The following TKFC variants were observed in gnomAD, a reference collection of about 807,000 sequenced individuals.
TKFC encodes triokinase/FMN cyclase.
Under a neutral mutation model 61.0 loss-of-function variants are expected in TKFC, and 46 were observed. The observed-to-expected ratio is 0.75, with a 90% CI of 0.60 to 0.96. The LOEUF (loss-of-function observed/expected upper bound fraction) is 0.96, where lower values mean the gene tolerates loss of function less well. Among genes scored for constraint, TKFC ranks in the 50% least tolerant of loss-of-function variants. The pLI, the probability that TKFC is intolerant of heterozygous loss-of-function variation, is 0.00. For synonymous variants in TKFC, 314 were observed against 330.1 expected (o/e 0.95, Z 0.53); for missense variants, 715 against 777.5 (o/e 0.92, Z 0.96).
Position 61,343,754 on chromosome 11 carries a change from G to T in TKFC, c.983-102G>T, listed in dbSNP as rs934537991. 51 of 1,508,026 alleles carry T rather than the reference G, an allele frequency of 3.4e-5. No individual in the cohort carries two copies. The African/African-American group carries it at 6.6e-4, about 20-fold the overall frequency. 93.4% of individuals were successfully genotyped at this position (1,508,026 alleles called of 1,614,324 possible). The stretch of plus-strand genomic sequence containing the variant: ...AGGTGGACTCCCTTCCTCCAGGGCT[G>T]CTGAGAAAGCCAGGCCACCAGGGTC... On this transcript the variant is annotated intron_variant, in intron 11 of 17. Coordinates refer to ENST00000394900, the MANE Select transcript of TKFC (RefSeq NM_015533.4).
chr11:61,343,604 T>A, intron 11 of TKFC, 146 bp downstream of exon 11: 1 of 884,358 alleles, frequency 1.1e-6, no homozygotes, highest in Non-Finnish European at 1.7e-6. Context: ...TTCTCCAGCC[T>A]TCTCCAGCTC....
At chr11:61,335,479 T>A (rs1013927567) in intron 2 of TKFC, 2 of 152,462 alleles carry the variant, frequency 1.3e-5, no homozygotes, top group African/African-American at 4.8e-5. Context: ...GCCACTTTCT[T>A]GGAGGGTAGT....
chr11:61,343,747 C>A, intron 11 of TKFC, 109 bp from the exon 12 acceptor site: 1 of 1,484,150 alleles, frequency 6.7e-7, no homozygotes, highest in Non-Finnish European at 9.1e-7. Context: ...TCCCTTCCTC[C>A]AGGGCTGCTG....
intron 2 of TKFC, chr11:61,335,926 CTGGAATTACAGGCA>C (rs1565045507): frequency 6.6e-6 from 1 of 152,290 alleles, no homozygotes; most frequent in Admixed American, 6.5e-5. Flanking sequence ...TCCCGAGTAG[CTGGAATTACAGGCA>C]TGTGCCACCA....
At position 61,342,718 on chromosome 11, in the gene TKFC, C is replaced by G. The variant is rs752534820; in HGVS notation, c.776-37C>G. 7.4e-6 allele frequency: 12 copies of G among 1,613,852 alleles called. No homozygotes were observed. The South Asian group carries it at 1.3e-4, about 18-fold the overall frequency. On this transcript the variant is annotated intron_variant, in intron 9 of 17. Coordinates refer to ENST00000394900, the MANE Select transcript of TKFC (RefSeq NM_015533.4). The stretch of plus-strand genomic sequence containing the variant: ...CCTAAACCTCTGGGGAGGAGACGCC[C>G]AGAGGGTCTCACCTGGGGTGTCATG...
At chr11:61,341,570 G>A in intron 6 of TKFC, 56 bp downstream of exon 6, 3 of 1,537,644 alleles carry the variant, frequency 2.0e-6, no homozygotes. Context: ...ACAGCCCTGG[G>A]GCGAGGAGCA....
chr11:61,341,433 C>T lies in TKFC; in HGVS notation c.487-3C>T. 1 of 1,552,942 alleles carries T rather than the reference C, an allele frequency of 6.4e-7. No homozygotes were observed. The highest frequency in any genetic ancestry group is 8.7e-7 in the Non-Finnish European group (1 of 1,147,608). Reference sequence around the variant, plus strand: ...TGGGGCTTTTACCTCTTTGTGGCTGCAGGTGGCAGGTGCTCTGGCTGAGGC... The same window carrying T: ...TGGGGCTTTTACCTCTTTGTGGCTGTAGGTGGCAGGTGCTCTGGCTGAGGC... On this transcript the variant is annotated splice_region_variant and splice_polypyrimidine_tract_variant and intron_variant, in intron 5 of 17. Coordinates refer to ENST00000394900, the MANE Select transcript of TKFC (RefSeq NM_015533.4).
chr11:61,334,627 T>C lies in TKFC; in HGVS notation c.-102T>C. 2 of 1,516,838 alleles carry C rather than the reference T, an allele frequency of 1.3e-6. No homozygotes were observed. 94.0% of individuals were successfully genotyped at this position (1,516,838 alleles called of 1,614,324 possible). A position where few individuals can be genotyped will look rare whatever the true frequency, so the allele number is the denominator to read the frequency against. On this transcript the variant is annotated 5_prime_UTR_variant, in exon 2 of 18. Coordinates refer to ENST00000394900, the MANE Select transcript of TKFC (RefSeq NM_015533.4). ...CGTTACCCACTCCTGCAGGTGCTGC[T>C]GCTGCCTCCACTGTACTCAGACCCA...
At chr11:61,351,124 T>TG (rs1416430139), downstream of TKFC, 2 of 1,612,972 alleles carry the variant, frequency 1.2e-6, no homozygotes, top group Non-Finnish European at 1.7e-6. Context: ...GGGCAGGCTG[T>TG]GGTATGGCCT....
At position 61,348,213 on chromosome 11, in the gene TKFC, C is replaced by T. The variant is rs1483247575; in HGVS notation, c.*1710C>T. The T allele has an allele frequency of 4.1e-6, 4 of 985,270 alleles. No homozygotes were observed. In the African/African-American group the frequency reaches 7.0e-5, roughly 17 times the overall value. 61.0% of individuals were successfully genotyped at this position (985,270 alleles called of 1,614,324 possible). On this transcript the variant is annotated 3_prime_UTR_variant, in exon 18 of 18. Transcript: ENST00000394900. ...GCTGGGTGACCTCAACCTAGTCACCCTTTTTGAGTCTTGTTTTCTCAGATT... is the reference window on the plus strand; with the variant it reads ...GCTGGGTGACCTCAACCTAGTCACCTTTTTTGAGTCTTGTTTTCTCAGATT...
chr11:61,351,191 C>G, downstream of TKFC: 1 of 1,561,620 alleles, frequency 6.4e-7, no homozygotes, highest in Non-Finnish European at 8.7e-7. Context: ...GATTTTTCCA[C>G]CTATTTTTGT....
intron 7 of TKFC, among the ~76,000 whole-genome samples, 198 bp downstream of exon 7, chr11:61,342,110 T>C (rs1277371640): frequency 6.6e-6 from 1 of 152,200 alleles, no homozygotes; most frequent in Non-Finnish European, 1.5e-5. Flanking sequence ...GCTTTGGCCA[T>C]GTGGAGCTCT....
rs1565044052 is a variant in TKFC at position 61,334,631 on chromosome 11, G to A, written c.-98G>A. The A allele has an allele frequency of 2.6e-6, 4 of 1,536,404 alleles. No homozygotes were observed. The highest frequency in any genetic ancestry group is 1.7e-4 in the Middle Eastern group (1 of 5,910). On this transcript the variant is annotated 5_prime_UTR_variant, in exon 2 of 18. Coordinates refer to ENST00000394900, the MANE Select transcript of TKFC (RefSeq NM_015533.4). ...ACCCACTCCTGCAGGTGCTGCTGCT[G>A]CCTCCACTGTACTCAGACCCAGGTA...
In TKFC at chr11:61,339,396, A is replaced by G; in HGVS notation, c.447A>G (p.Ala149=). ...GCGCCTTCACTGTCCTGAAGAAGGC[A>G]GGCCGGCGGGGGCTGTGCGGCACGG... ...DDSAFTVLKK[A]GRRGLCGTVL... The change falls in exon 5 of 18, where the codon GCA becomes GCG. Residue 149 remains alanine, a synonymous_variant. Transcript: ENST00000394900. 1.9e-6 allele frequency: 3 copies of G among 1,613,252 alleles called. No homozygotes were observed. Among genetic ancestry groups the G allele is most frequent in the Non-Finnish European group, 2.5e-6 (3 of 1,179,918 alleles).
chr11:61,339,171 G>C lies in TKFC; in HGVS notation c.299G>C (p.Gly100Ala). 2 of 1,613,584 alleles carry C rather than the reference G, an allele frequency of 1.2e-6. No individual in the cohort carries two copies. The highest frequency in any genetic ancestry group is 1.7e-6 in the Non-Finnish European group (2 of 1,179,882). Reference protein sequence around the residue: ...LAAIRAVAQAGTVGTLLIVKN... With the variant: ...LAAIRAVAQAATVGTLLIVKN... The stretch of plus-strand genomic sequence containing the variant: ...GCCATCAGGGCCGTGGCCCAGGCCG[G>C]CACAGGTAAGCCTGGCATGCAGGAG... Residue 100 changes from glycine (G) to alanine (A), a missense_variant, in exon 4 of 18, where the codon GGC (glycine) becomes GCC (alanine). By Grantham distance (60) the Gly-to-Ala change is moderately conservative. Coordinates refer to ENST00000394900, the MANE Select transcript of TKFC (RefSeq NM_015533.4).
rs746890969 is a variant in TKFC, at chr11:61,339,078, A to G, written c.206A>G (p.Lys69Arg). The change falls in exon 4 of 18, where the codon AAG (lysine) becomes AGG (arginine). Residue 69 changes from lysine (K) to arginine (R), a missense_variant. Transcript: ENST00000394900. Reference sequence around the variant, plus strand: ...CTTCCACCTCCAGGTTTCATAGGGAAGGGGATGCTGACTGGGGTCATCGCG... The same window carrying G: ...CTTCCACCTCCAGGTTTCATAGGGAGGGGGATGCTGACTGGGGTCATCGCG... ...HEPAHAGFIG[K>R]GMLTGVIAGA... 3 of 1,612,806 alleles carry G rather than the reference A, an allele frequency of 1.9e-6. No homozygotes were observed. The African/African-American group carries it at 4.0e-5, about 22-fold the overall frequency.
At chr11:61,335,424 C>T (rs978209494) in intron 2 of TKFC, 1 of 152,476 alleles carries the variant, frequency 6.6e-6, no homozygotes, top group Non-Finnish European at 1.5e-5. Flanking sequence ...GTCCCTAAAC[C>T]CTCTTCTGGC....
intron 2 of TKFC, among the ~76,000 whole-genome samples, chr11:61,337,164 G>A (rs773403887): frequency 1.7e-4 from 26 of 152,112 alleles, no homozygotes; most frequent in Non-Finnish European, 2.2e-4. Context: ...TTTTATTTCC[G>A]AGATGGAGTC....
chr11:61,345,244 C>G lies in TKFC; in HGVS notation c.1241-16C>G. 3.3e-6 allele frequency: 5 copies of G among 1,513,206 alleles called. No homozygotes were observed. The highest frequency in any genetic ancestry group is 4.4e-6 in the Non-Finnish European group (5 of 1,125,580). The allele number at this position is 1,513,206 out of a possible 1,614,324, so 93.7% of individuals were successfully genotyped here. The stretch of plus-strand genomic sequence containing the variant: ...GGAGGATCTCTGAATTCCTCCCCAT[C>G]TCTCTCTGCCTGCAGCAATCCAGGA... On this transcript the variant is annotated splice_polypyrimidine_tract_variant and intron_variant, in intron 13 of 17. Transcript: ENST00000394900.
Sources: allele counts gnomAD v4.1 joint callset (sites outside exome capture counted in the v4.1 genomes callset), GRCh38; gene constraint gnomAD v4.1.1; transcripts MANE v1.5; gene names NCBI Gene and HGNC (gene_info 2026-07-23, HGNC 2026-07-21).